Variants in BCKDHB observed in about 807,000 individuals in gnomAD.
BCKDHB encodes the protein 2-oxoisovalerate dehydrogenase subunit beta, mitochondrial.
Under a neutral mutation model 48.5 loss-of-function variants are expected in BCKDHB, and 41 were observed. The observed-to-expected ratio is 0.85, with a 90% CI of 0.66 to 1.10. The LOEUF (loss-of-function observed/expected upper bound fraction) is 1.10, where lower values mean the gene tolerates loss of function less well. Among genes scored for constraint, BCKDHB ranks in the 50% least tolerant of loss-of-function variants. BCKDHB has a pLI of 0.00. For synonymous variants in BCKDHB, 201 were observed against 174.8 expected (o/e 1.15, Z -1.18); for missense variants, 496 against 494.2 (o/e 1.00, Z -0.03).
chr6:80,175,835 T>G (rs1183996779), intron 6 of BCKDHB, among the ~76,000 whole-genome samples: 3 of 152,244 alleles, frequency 2.0e-5, no homozygotes, highest in Non-Finnish European at 4.4e-5. Flanking sequence ...TTTGCAGCTG[T>G]AAAAACTAGT....
chr6:80,106,953 G>A, intron 1 of BCKDHB, 64 bp downstream of exon 1: 9 of 1,547,750 alleles, frequency 5.8e-6, no homozygotes, highest in Non-Finnish European at 7.9e-6. Context: ...GCAGGCGCCC[G>A]CGAGGGGCAG....
At chr6:80,301,545 C>G (rs1767581332) in intron 9 of BCKDHB, among the ~76,000 whole-genome samples, 1 of 152,086 alleles carries the variant, frequency 6.6e-6, no homozygotes, top group South Asian at 2.1e-4. Context: ...CGCCATGAAC[C>G]AGATAGATTC....
the BCKDHB span, chr6:80,374,173 G>A: frequency 1.4e-6 from 1 of 719,712 alleles, no homozygotes; most frequent in Admixed American, 1.7e-5. Context: ...ATCCGACTAT[G>A]AGCTCTGTAG....
chr6:80,408,459 G>T, the BCKDHB span, among the ~76,000 whole-genome samples: 1 of 152,084 alleles, frequency 6.6e-6, no homozygotes, highest in Non-Finnish European at 1.5e-5. Context: ...ACCTCTGGTA[G>T]AATTCGGCTG....
intron 8 of BCKDHB, among the ~76,000 whole-genome samples, chr6:80,208,566 G>A (rs1198368046): frequency 6.6e-6 from 1 of 151,576 alleles, no homozygotes; most frequent in Admixed American, 6.6e-5. Context: ...TTAACTAATG[G>A]AAAAAATAGG....
At chr6:80,399,735 G>GA in the BCKDHB span, among the ~76,000 whole-genome samples, 1 of 152,124 alleles carries the variant, frequency 6.6e-6, no homozygotes, top group East Asian at 1.9e-4. Context: ...CACAGAACCA[G>GA]AAAAAACTAT....
chr6:80,275,016 T>A (rs192930752), intron 9 of BCKDHB, among the ~76,000 whole-genome samples: 2 of 152,148 alleles, frequency 1.3e-5, no homozygotes, highest in East Asian at 3.9e-4. Context: ...TATGTGATAA[T>A]TGTCAGTTGC....
In BCKDHB at chr6:80,345,243, A is replaced by G. The variant is rs1028056792; in HGVS notation, c.*1439A>G. The G allele has an allele frequency of 2.0e-5, 3 of 152,220 alleles. No homozygotes were observed. Among genetic ancestry groups the G allele is most frequent in the African/African-American group, 7.2e-5 (3 of 41,442 alleles). The allele number at this position is 152,220 out of a possible 1,614,324, so 9.4% of individuals were successfully genotyped here. A position where few individuals can be genotyped will look rare whatever the true frequency, so the allele number is the denominator to read the frequency against. ...GATTTTGAAATGTTTCAAAATGAGTAGATATGATTAGATCCTTTACCTTTT... is the reference window on the plus strand; with the variant it reads ...GATTTTGAAATGTTTCAAAATGAGTGGATATGATTAGATCCTTTACCTTTT... On this transcript the variant is annotated 3_prime_UTR_variant, in exon 10 of 10. Transcript: ENST00000320393.
chr6:80,232,134 G>GTTATAAA (rs1469304152), intron 8 of BCKDHB, among the ~76,000 whole-genome samples: 15 of 152,044 alleles, frequency 9.9e-5, no homozygotes, highest in Non-Finnish European at 1.8e-4. Flanking sequence ...TAAAGTATAG[G>GTTATAAA]GATATTTCCT....
intron 1 of BCKDHB, among the ~76,000 whole-genome samples, chr6:80,111,511 G>C (rs1446687871): frequency 6.6e-6 from 1 of 152,130 alleles, no homozygotes; most frequent in Non-Finnish European, 1.5e-5. Context: ...CGTTTTTCTT[G>C]CATTTGAAGC....
At chr6:80,203,033 A>C (rs1385527208) in intron 7 of BCKDHB, 69 bp from the exon 8 acceptor site, 1 of 986,184 alleles carries the variant, frequency 1.0e-6, no homozygotes, top group African/African-American at 1.6e-5. Flanking sequence ...TAGTGACATC[A>C]GCATTCAACT....
At chr6:80,370,243 CTA>C in the BCKDHB span, among the ~76,000 whole-genome samples, 1 of 152,112 alleles carries the variant, frequency 6.6e-6, no homozygotes, top group Non-Finnish European at 1.5e-5. Context: ...GACCAGATCT[CTA>C]TGTGGAGGAG....
chr6:80,293,977 C>T (rs1767082117), intron 9 of BCKDHB, among the ~76,000 whole-genome samples: 1 of 152,206 alleles, frequency 6.6e-6, no homozygotes, highest in African/African-American at 2.4e-5. Context: ...TCACTATCCG[C>T]ATTTTGGTCA....
At chr6:80,348,228 G>C (rs1218573361), downstream of BCKDHB, among the ~76,000 whole-genome samples, 1 of 151,698 alleles carries the variant, frequency 6.6e-6, no homozygotes. Flanking sequence ...AAAAAAATGA[G>C]GAACAAGATT....
At chr6:80,302,629 T>C (rs1002326150) in intron 9 of BCKDHB, among the ~76,000 whole-genome samples, 1 of 152,190 alleles carries the variant, frequency 6.6e-6, no homozygotes, top group Non-Finnish European at 1.5e-5. Context: ...ACAGTGCTTA[T>C]TTGTTATATG....
At chr6:80,403,179 C>G in the BCKDHB span, among the ~76,000 whole-genome samples, 51 of 151,936 alleles carry the variant, frequency 3.4e-4, 1 homozygote, top group South Asian at 2.1e-4. Flanking sequence ...CATTGACTCT[C>G]TAGATCACTT....
intron 8 of BCKDHB, among the ~76,000 whole-genome samples, chr6:80,263,230 C>A (rs1777377631): frequency 6.6e-6 from 1 of 152,114 alleles, no homozygotes. Flanking sequence ...GAATAAAACA[C>A]AATAAATTTC....
chr6:80,217,189 C>T (rs565057810), intron 8 of BCKDHB, among the ~76,000 whole-genome samples: 73 of 151,916 alleles, frequency 4.8e-4, no homozygotes, highest in Non-Finnish European at 7.7e-4. Flanking sequence ...TGCAGTGAGC[C>T]GAGACTGTGC....
chr6:80,263,463 A>G (rs1313684362), intron 8 of BCKDHB, among the ~76,000 whole-genome samples: 1 of 152,160 alleles, frequency 6.6e-6, no homozygotes, highest in Non-Finnish European at 1.5e-5. Context: ...AGATATGTGT[A>G]ATTTTTGCTG....
Sources: allele counts gnomAD v4.1 joint callset (sites outside exome capture counted in the v4.1 genomes callset), GRCh38; gene constraint gnomAD v4.1.1; transcripts MANE v1.5; gene names NCBI Gene and HGNC (gene_info 2026-07-23, HGNC 2026-07-21).